Variants in POU2F1 observed in about 807,000 individuals in gnomAD.
POU2F1 encodes the protein POU domain, class 2, transcription factor 1.
In POU2F1, 16 loss-of-function variants were observed where a neutral mutation model predicts 84.9. The observed-to-expected ratio is 0.19, with a 90% CI of 0.13 to 0.29. The LOEUF (loss-of-function observed/expected upper bound fraction) is 0.29. Ranked by LOEUF, POU2F1 falls within the 10% of genes least tolerant of loss-of-function variation. The pLI is 1.00. For missense variants in POU2F1, 738 were observed against 942.6 expected (o/e 0.78, Z 2.84); for synonymous variants, 368 against 368.3 (o/e 1.00, Z 0.01).
intron 1 of POU2F1, among the ~76,000 whole-genome samples, chr1:167,221,621 G>C (rs1185707774): frequency 1.3e-5 from 2 of 150,732 alleles, no homozygotes; most frequent in Non-Finnish European, 3.0e-5. Context: ...CGCGGGGAGA[G>C]CTCCCTGCCC....
chr1:167,405,838 T>C (rs1649538071), intron 13 of POU2F1, among the ~76,000 whole-genome samples: 2 of 152,226 alleles, frequency 1.3e-5, no homozygotes, highest in African/African-American at 2.4e-5. Flanking sequence ...CCCAGGATAC[T>C]TTTAGCCATA....
At chr1:167,322,974 A>G (rs781558976) in intron 1 of POU2F1, among the ~76,000 whole-genome samples, 1 of 152,170 alleles carries the variant, frequency 6.6e-6, no homozygotes, top group Admixed American at 6.5e-5. Context: ...AACCTTCAGC[A>G]TGGGCGTCGT....
intron 1 of POU2F1, among the ~76,000 whole-genome samples, chr1:167,321,191 G>T (rs1656289439): frequency 6.6e-6 from 1 of 152,176 alleles, no homozygotes; most frequent in African/African-American, 2.4e-5. Flanking sequence ...ATGTAACACT[G>T]GGAAAATTTT....
intron 1 of POU2F1, among the ~76,000 whole-genome samples, chr1:167,244,875 T>C (rs767906924): frequency 1.2e-4 from 19 of 152,348 alleles, no homozygotes; most frequent in Non-Finnish European, 2.1e-4. Context: ...GAAGCCTGTA[T>C]ATGGGGAGTG....
At chr1:167,377,672 A>C (rs1423245266) in intron 7 of POU2F1, among the ~76,000 whole-genome samples, 1 of 152,094 alleles carries the variant, frequency 6.6e-6, no homozygotes, top group Non-Finnish European at 1.5e-5. Context: ...TTTTTTTCTT[A>C]TTTTTAAACT....
Position 167,332,473 on chromosome 1 carries a change from C to T in POU2F1, c.65C>T (p.Ser22Leu). Residue 22 changes from serine (S) to leucine (L), a missense_variant, in exon 2 of 16, where the codon TCA becomes TTA. This residue lies in a region of POU2F1 where 161 missense variants were observed against 147.0 expected (regional missense o/e 1.10). Coordinates refer to ENST00000367866, the MANE Select transcript of POU2F1 (RefSeq NM_002697.4). ...SSAAAAAAAD[S>L]RMNNPSETSK... Reference sequence around the variant, plus strand: ...ATTCTCCTCTGATTTATTGCAGACTCAAGAATGAACAATCCGTCAGAAACC... The same window carrying T: ...ATTCTCCTCTGATTTATTGCAGACTTAAGAATGAACAATCCGTCAGAAACC... 1.2e-6 allele frequency: 2 copies of T among 1,608,664 alleles called. No individual in the cohort carries two copies. The highest frequency in any genetic ancestry group is 1.7e-6 in the Non-Finnish European group (2 of 1,175,288).
chr1:167,372,165 A>G (rs1660047563), intron 5 of POU2F1, 129 bp downstream of exon 5: 8 of 1,215,780 alleles, frequency 6.6e-6, no homozygotes, highest in Non-Finnish European at 9.1e-6. Context: ...TGTGTCTTTA[A>G]GGAACTTCCT....
At chr1:167,225,345 A>G (rs564701641) in intron 1 of POU2F1, among the ~76,000 whole-genome samples, 291 of 152,354 alleles carry the variant, frequency 1.9e-3, no homozygotes, top group African/African-American at 6.7e-3. Context: ...TAGACAAGGA[A>G]AAAACAAACC....
At chr1:167,254,694 G>C (rs1011113993) in intron 1 of POU2F1, among the ~76,000 whole-genome samples, 1 of 152,156 alleles carries the variant, frequency 6.6e-6, no homozygotes, top group Non-Finnish European at 1.5e-5. Flanking sequence ...ATAATGTTTA[G>C]TTCTCATTAT....
chr1:167,333,959 G>T (rs1472152744), intron 2 of POU2F1, among the ~76,000 whole-genome samples: 5 of 151,950 alleles, frequency 3.3e-5, no homozygotes, highest in Non-Finnish European at 7.4e-5. Context: ...GCAGTGGGCA[G>T]GACACCTGTG....
Position 167,415,486 on chromosome 1 carries a change from GT to G in POU2F1, c.1991-9del. 2 of 1,611,986 alleles carry G rather than the reference GT, an allele frequency of 1.2e-6. No individual in the cohort carries two copies. Among genetic ancestry groups the G allele is most frequent in the Non-Finnish European group, 1.7e-6 (2 of 1,178,626 alleles). On this transcript the variant is annotated splice_polypyrimidine_tract_variant and intron_variant, in intron 15 of 15. Transcript: ENST00000367866. ...TTTTCATTCCTGCCTGTTTTGGGGG[GT>G]TTTTGTCTGTAGCTCTTGCTTCTGG...
rs1649031179 is a variant in POU2F1, at chr1:167,399,348, C to A, written c.1432C>A (p.Pro478Thr). ...CAGCTCACCTATTAAAGCAATTTTC[C>A]CCAGCCCAACTTCACTGGTAAGAAT... is the stretch of plus-strand genomic sequence containing the variant. ...TSSSPIKAIF[P>T]SPTSLVATTP... The change falls in exon 12 of 16, where the codon CCC (proline) becomes ACC (threonine). Residue 478 changes from proline (P) to threonine (T), a missense_variant. This residue lies in a region of POU2F1 where 319 missense variants were observed against 386.0 expected (regional missense o/e 0.83). Transcript: ENST00000367866. 6.2e-7 allele frequency: 1 copy of A among 1,612,504 alleles called. No individual in the cohort carries two copies. The highest frequency in any genetic ancestry group is 1.7e-5 in the Admixed American group (1 of 59,750).
Position 167,332,516 on chromosome 1 carries a change from G to C in POU2F1, c.108G>C (p.Glu36Asp). The change falls in exon 2 of 16, where the codon GAG becomes GAC. Residue 36 changes from glutamate (E) to aspartate (D), a missense_variant. Physicochemically the swap from Glu to Asp is conservative, Grantham distance 45. Transcript: ENST00000367866. ...CAGAAACCAGTAAACCATCTATGGAGAGTGGAGATGGCAACACAGGTAAGA... is the reference window on the plus strand; with the variant it reads ...CAGAAACCAGTAAACCATCTATGGACAGTGGAGATGGCAACACAGGTAAGA... The part of the protein sequence containing the change: ...NPSETSKPSM[E>D]SGDGNTGTQT... 1 of 1,607,704 alleles carries C rather than the reference G, an allele frequency of 6.2e-7. No individual in the cohort carries two copies. Among genetic ancestry groups the C allele is most frequent in the Non-Finnish European group, 8.5e-7 (1 of 1,174,358 alleles).
At chr1:167,374,381 G>T in intron 6 of POU2F1, 85 bp downstream of exon 6, 8 of 1,338,376 alleles carry the variant, frequency 6.0e-6, no homozygotes, top group Non-Finnish European at 8.1e-6. Flanking sequence ...CTTTTTGATT[G>T]TTAGTGTGGG....
In POU2F1 at chr1:167,415,941, GAAAA is replaced by G; in HGVS notation, c.*143_*146del. 1.2e-5 allele frequency: 5 copies of G among 434,168 alleles called. No homozygotes were observed. Among genetic ancestry groups the G allele is most frequent in the Non-Finnish European group, 1.6e-5 (4 of 248,378 alleles). The allele number at this position is 434,168 out of a possible 1,614,324, so 26.9% of individuals were successfully genotyped here. ...TTGTGAGGGCAAAGGAGAGAAGGGAGAAAAAAAAAAAAAAACCACACACACCCAT... is the reference window on the plus strand; with the variant it reads ...TTGTGAGGGCAAAGGAGAGAAGGGAGAAAAAAAAAAACCACACACACCCAT... On this transcript the variant is annotated 3_prime_UTR_variant, in exon 16 of 16. Coordinates refer to ENST00000367866, the MANE Select transcript of POU2F1 (RefSeq NM_002697.4).
chr1:167,396,666 G>C, intron 10 of POU2F1: 1 of 430,828 alleles, frequency 2.3e-6, no homozygotes, highest in South Asian at 3.3e-5. Flanking sequence ...AAATACTCTT[G>C]TATTTGAGCC....
rs760143365 is a variant in POU2F1 at position 167,412,252 on chromosome 1, G to C, written c.1849G>C (p.Ala617Pro). ...PANASLAAMA[A>P]AAGLNPSLMA... Reference sequence around the variant, plus strand: ...AAATGCCAGTCTTGCTGCCATGGCAGCTGCTGCAGGACTAAACCCAAGCCT... The same window carrying C: ...AAATGCCAGTCTTGCTGCCATGGCACCTGCTGCAGGACTAAACCCAAGCCT... The change falls in exon 14 of 16, where the codon GCT becomes CCT. Residue 617 changes from alanine to proline, a missense_variant. By Grantham distance (27) the Ala-to-Pro change is conservative (BLOSUM62 -1). Around this residue, in one of 4 missense-constraint regions of POU2F1, gnomAD observed 319 missense variants for 386.0 expected, o/e 0.83. Transcript: ENST00000367866. 1 of 1,589,534 alleles carries C rather than the reference G, an allele frequency of 6.3e-7. No homozygotes were observed. The highest frequency in any genetic ancestry group is 1.1e-5 in the South Asian group (1 of 88,028).
At position 167,416,597 on chromosome 1, in the gene POU2F1, A is replaced by G; in HGVS notation, c.*787A>G. 6.5e-6 allele frequency: 1 copy of G among 153,226 alleles called. No individual in the cohort carries two copies. Among genetic ancestry groups the G allele is most frequent in the Non-Finnish European group, 1.5e-5 (1 of 68,830 alleles). The allele number at this position is 153,226 out of a possible 1,614,324, so 9.5% of individuals were successfully genotyped here. A position where few individuals can be genotyped will look rare whatever the true frequency, so the allele number is the denominator to read the frequency against. On this transcript the variant is annotated 3_prime_UTR_variant, in exon 16 of 16. Transcript: ENST00000367866. Reference sequence around the variant, plus strand: ...TGCTAGAAAATTATTTTCTTTTGCCACTTATGCAAGAGGCTTGGTGCAGAA... The same window carrying G: ...TGCTAGAAAATTATTTTCTTTTGCCGCTTATGCAAGAGGCTTGGTGCAGAA...
At chr1:167,357,598 C>G (rs900148218) in intron 2 of POU2F1, 6 of 151,764 alleles carry the variant, frequency 4.0e-5, no homozygotes, top group Non-Finnish European at 8.8e-5. Flanking sequence ...AGGCTCATCT[C>G]AAACTCCAGA....
Sources: allele counts gnomAD v4.1 joint callset (sites outside exome capture counted in the v4.1 genomes callset), GRCh38; gene constraint gnomAD v4.1.1; regional missense constraint gnomAD v4.1.1; transcripts MANE v1.5; gene names NCBI Gene and HGNC (gene_info 2026-07-23, HGNC 2026-07-21).